The following KCNH8 variants were observed in gnomAD, a reference collection of about 807,000 sequenced individuals.
KCNH8 encodes the protein voltage-gated delayed rectifier potassium channel KCNH8.
A neutral mutation model predicts 103.6 loss-of-function variants in KCNH8; 70 were observed. The ratio of observed to expected loss-of-function variants is 0.68; its 90% CI spans 0.56 to 0.82. The LOEUF (loss-of-function observed/expected upper bound fraction) is 0.82, where lower values mean the gene tolerates loss of function less well. Ranked by LOEUF, KCNH8 falls within the 40% of genes least tolerant of loss-of-function variation. The probability of loss-of-function intolerance (pLI) is 0.00; values close to 1 mark genes in which losing one functional copy is unlikely to be tolerated. For synonymous variants in KCNH8, 498 were observed against 489.4 expected (o/e 1.02, Z -0.23); for missense variants, 1,217 against 1,329.9 (o/e 0.92, Z 1.32).
chr3:19,283,331 A>G (rs946317353), intron 3 of KCNH8, among the ~76,000 whole-genome samples: 2 of 152,282 alleles, frequency 1.3e-5, no homozygotes, highest in African/African-American at 2.4e-5. Context: ...ATTGTGCTCA[A>G]TAATATTTTC....
At chr3:19,230,925 T>C (rs919332587) in intron 1 of KCNH8, among the ~76,000 whole-genome samples, 1 of 152,156 alleles carries the variant, frequency 6.6e-6, no homozygotes, top group East Asian at 1.9e-4. Flanking sequence ...CTTCTAGGAA[T>C]TTGCCTTAAG....
At chr3:19,187,957 C>T (rs1342315617) in intron 1 of KCNH8, among the ~76,000 whole-genome samples, 1 of 151,992 alleles carries the variant, frequency 6.6e-6, no homozygotes. Flanking sequence ...TTTGTAACCA[C>T]TATACACGTA....
intron 1 of KCNH8, among the ~76,000 whole-genome samples, chr3:19,187,658 G>A (rs911646389): frequency 1.3e-4 from 20 of 152,012 alleles, no homozygotes; most frequent in African/African-American, 3.6e-4. Flanking sequence ...TTAAGTGCAC[G>A]GGGAACATAA....
intron 11 of KCNH8, among the ~76,000 whole-genome samples, chr3:19,482,078 A>T (rs894077115): frequency 2.0e-5 from 3 of 152,142 alleles, no homozygotes; most frequent in African/African-American, 7.2e-5. Context: ...TGTCCATGTG[A>T]GAGGGTCGTG....
chr3:19,347,844 G>T lies in KCNH8; in HGVS notation c.690G>T (p.Leu230Phe). ...FKAGWDWLILLATFYVAVTVP... is the reference protein window; with the variant it reads ...FKAGWDWLILFATFYVAVTVP... ...CTGGCTGGGACTGGCTTATTTTGTTGGCAACGTTTTATGTTGCTGTGACTG... is the reference window on the plus strand; with the variant it reads ...CTGGCTGGGACTGGCTTATTTTGTTTGCAACGTTTTATGTTGCTGTGACTG... The change falls in exon 5 of 16, where the codon TTG (leucine) becomes TTT (phenylalanine). Residue 230 changes from leucine (L) to phenylalanine (F), a missense_variant. By Grantham distance (22) the Leu-to-Phe change is conservative (BLOSUM62 0). Transcript: ENST00000328405. 2 of 1,613,246 alleles carry T rather than the reference G, an allele frequency of 1.2e-6. No individual in the cohort carries two copies. Among genetic ancestry groups the T allele is most frequent in the Non-Finnish European group, 1.7e-6 (2 of 1,179,492 alleles).
At chr3:19,306,612 GA>G (rs1403113692) in intron 3 of KCNH8, among the ~76,000 whole-genome samples, 1 of 152,034 alleles carries the variant, frequency 6.6e-6, no homozygotes, top group Non-Finnish European at 1.5e-5. Context: ...AAAGAGAAAG[GA>G]AACAATTCTT....
chr3:19,364,233 C>T (rs887790970), intron 5 of KCNH8, among the ~76,000 whole-genome samples: 4 of 152,078 alleles, frequency 2.6e-5, no homozygotes, highest in Non-Finnish European at 4.4e-5. Context: ...TTCATGCCCA[C>T]GCCTCCACAA....
At chr3:19,426,646 A>C (rs1055101391) in intron 7 of KCNH8, among the ~76,000 whole-genome samples, 1 of 151,692 alleles carries the variant, frequency 6.6e-6, no homozygotes, top group African/African-American at 2.4e-5. Flanking sequence ...ATTAGAGTGG[A>C]TAGCCGCTGA....
chr3:19,476,623 C>A (rs539822284), intron 11 of KCNH8, among the ~76,000 whole-genome samples: 11 of 152,162 alleles, frequency 7.2e-5, no homozygotes, highest in Admixed American at 7.2e-4. Context: ...CACAGATTAC[C>A]CTGCTGAATT....
At chr3:19,499,270 C>T (rs1380281817) in intron 11 of KCNH8, among the ~76,000 whole-genome samples, 1 of 152,086 alleles carries the variant, frequency 6.6e-6, no homozygotes, top group African/African-American at 2.4e-5. Flanking sequence ...AGCAAAGCCT[C>T]CAAGAAATAT....
chr3:19,273,984 A>G (rs2125268528), intron 2 of KCNH8, among the ~76,000 whole-genome samples: 1 of 152,248 alleles, frequency 6.6e-6, no homozygotes, highest in East Asian at 1.9e-4. Context: ...TTTTTCATTT[A>G]AAATAGGATT....
chr3:19,205,159 A>G (rs1207449396), intron 1 of KCNH8, among the ~76,000 whole-genome samples: 2 of 151,640 alleles, frequency 1.3e-5, no homozygotes, highest in Non-Finnish European at 2.9e-5. Context: ...CTATCCATCC[A>G]CTCACTCTTT....
intron 5 of KCNH8, among the ~76,000 whole-genome samples, chr3:19,356,040 A>G (rs1267909353): frequency 6.6e-6 from 1 of 151,912 alleles, no homozygotes; most frequent in Non-Finnish European, 1.5e-5. Context: ...AAAAGGGTCT[A>G]GGAAGGATAG....
At chr3:19,488,985 C>G (rs2068265865) in intron 11 of KCNH8, among the ~76,000 whole-genome samples, 1 of 152,106 alleles carries the variant, frequency 6.6e-6, no homozygotes, top group African/African-American at 2.4e-5. Flanking sequence ...AGGAGGTCAG[C>G]AGAGGTGAAA....
intron 14 of KCNH8, among the ~76,000 whole-genome samples, chr3:19,515,634 T>C (rs927134619): frequency 6.6e-5 from 10 of 151,970 alleles, no homozygotes; most frequent in African/African-American, 1.9e-4. Context: ...TCTGTCCAGA[T>C]TGGATGAGCT....
At chr3:19,489,079 A>T (rs1293993319) in intron 11 of KCNH8, among the ~76,000 whole-genome samples, 1 of 152,148 alleles carries the variant, frequency 6.6e-6, no homozygotes, top group African/African-American at 2.4e-5. Flanking sequence ...GGGCATTTGG[A>T]TTCCAGTCTT....
chr3:19,186,060 A>G (rs950574574), intron 1 of KCNH8, among the ~76,000 whole-genome samples: 2 of 151,996 alleles, frequency 1.3e-5, no homozygotes, highest in African/African-American at 2.4e-5. Flanking sequence ...TTAAAAAACA[A>G]TAAAAATTAT....
intron 5 of KCNH8, among the ~76,000 whole-genome samples, chr3:19,382,629 G>A (rs1056597508): frequency 3.3e-5 from 5 of 151,992 alleles, no homozygotes; most frequent in African/African-American, 9.7e-5. Context: ...GACCCTGTTC[G>A]TCAGTTTTGA....
At chr3:19,329,692 T>C (rs2065478318) in intron 3 of KCNH8, among the ~76,000 whole-genome samples, 1 of 152,154 alleles carries the variant, frequency 6.6e-6, no homozygotes, top group Admixed American at 6.6e-5. Flanking sequence ...TTGGGATAAC[T>C]TCAAAAATCC....
Sources: allele counts gnomAD v4.1 joint callset (sites outside exome capture counted in the v4.1 genomes callset), GRCh38; gene constraint gnomAD v4.1.1; transcripts MANE v1.5; gene names NCBI Gene and HGNC (gene_info 2026-07-23, HGNC 2026-07-21).